The following FAM184B variants were observed in gnomAD, a reference collection of about 807,000 sequenced individuals.
FAM184B encodes family with sequence similarity 184 member B, also known as protein FAM184B.
A neutral mutation model predicts 135.9 loss-of-function variants in FAM184B; 111 were observed. That is an observed-to-expected ratio of 0.82 (90% CI 0.70 to 0.96). FAM184B has a LOEUF of 0.96. FAM184B is among the 40% of genes least tolerant of loss of function. The pLI is 0.00. For missense variants in FAM184B, 1,375 were observed against 1,323.9 expected, an observed-to-expected ratio of 1.04 and a Z score of -0.60; for synonymous variants, 552 against 524.8, an observed-to-expected ratio of 1.05 and a Z score of -0.71.
intron 13 of FAM184B, 66 bp from the exon 14 acceptor site, chr4:17,639,462 G>T: frequency 6.5e-7 from 1 of 1,527,014 alleles, no homozygotes; most frequent in Non-Finnish European, 8.8e-7. Context: ...GGGCTCTGGG[G>T]TTTATTTCCC....
At chr4:17,698,804 C>T (rs1027135002) in intron 5 of FAM184B, among the ~76,000 whole-genome samples, 4 of 152,126 alleles carry the variant, frequency 2.6e-5, no homozygotes, top group African/African-American at 9.7e-5. Flanking sequence ...AGCTGGTTCA[C>T]AAGTAATTTA....
intron 1 of FAM184B, among the ~76,000 whole-genome samples, chr4:17,739,487 G>A (rs4270585): frequency 0.24 from 36,252 of 150,414 alleles, 4,995 homozygotes; most frequent in East Asian, 0.59. Context: ...TCTAAGCCAG[G>A]GCAGCATGGC....
chr4:17,748,100 T>C (rs1211497197), intron 1 of FAM184B, among the ~76,000 whole-genome samples: 1 of 73,452 alleles, frequency 1.4e-5, no homozygotes, highest in Admixed American at 1.5e-4. Context: ...AAAGACTCCG[T>C]CTGAAAAAAA....
intron 1 of FAM184B, among the ~76,000 whole-genome samples, chr4:17,777,292 G>A (rs1458395937): frequency 6.6e-6 from 1 of 152,212 alleles, no homozygotes; most frequent in Non-Finnish European, 1.5e-5. Flanking sequence ...ATAGGAAGTA[G>A]ATGAATGGTT....
rs138206183 is a variant in FAM184B at position 17,759,792 on chromosome 4, G to A, written c.141+21367C>T. On this transcript the variant is annotated intron_variant, in intron 1 of 17. Coordinates refer to ENST00000265018, the MANE Select transcript of FAM184B (RefSeq NM_015688.2). ...TTTACAGGTGTGAGCCACCACACCCGGCCTAAGCACCTAAGTTCTTAAAGC... is the reference window on the plus strand; with the variant it reads ...TTTACAGGTGTGAGCCACCACACCCAGCCTAAGCACCTAAGTTCTTAAAGC... Among the ~76,000 whole-genome samples the A allele has an allele frequency of 7.9e-5, 12 of 152,118 alleles. 1 individual carries two copies. In the East Asian group the frequency reaches 1.4e-3, roughly 17 times the overall value.
chr4:17,748,524 T>TG (rs1467856048), intron 1 of FAM184B, among the ~76,000 whole-genome samples: 18 of 145,218 alleles, frequency 1.2e-4, no homozygotes, highest in South Asian at 2.2e-4. Context: ...TTTTTTTTTT[T>TG]TTTTTTTTAG....
At chr4:17,707,875 G>T (rs528568177) in intron 2 of FAM184B, 91 bp from the exon 3 acceptor site, 1 of 1,436,656 alleles carries the variant, frequency 7.0e-7, no homozygotes, top group Non-Finnish European at 9.4e-7. Context: ...CCTGAAAGGC[G>T]GGTATATGCA....
At chr4:17,748,377 T>A (rs997665036) in intron 1 of FAM184B, among the ~76,000 whole-genome samples, 1 of 152,052 alleles carries the variant, frequency 6.6e-6, no homozygotes, top group African/African-American at 2.4e-5. Flanking sequence ...CATCCTCAGT[T>A]GATAGAGTTG....
intron 1 of FAM184B, among the ~76,000 whole-genome samples, chr4:17,722,660 A>T (rs1362272222): frequency 1.3e-5 from 2 of 152,146 alleles, no homozygotes; most frequent in African/African-American, 4.8e-5. Context: ...CACCGTCTAC[A>T]GGCCCAGTCC....
chr4:17,683,178 G>A (rs1159531713), intron 7 of FAM184B, among the ~76,000 whole-genome samples: 2 of 152,106 alleles, frequency 1.3e-5, no homozygotes, highest in Non-Finnish European at 2.9e-5. Context: ...TTTCTAATTG[G>A]CAAAGTTCAG....
At chr4:17,746,418 T>C (rs74616716) in intron 1 of FAM184B, among the ~76,000 whole-genome samples, 9,683 of 152,098 alleles carry the variant, frequency 0.064, 1,017 homozygotes, top group African/African-American at 0.22. Context: ...GAAGAGTCCC[T>C]TGGGAATGGC....
At chr4:17,651,695 C>T (rs994955120) in intron 11 of FAM184B, among the ~76,000 whole-genome samples, 1 of 152,046 alleles carries the variant, frequency 6.6e-6, no homozygotes, top group African/African-American at 2.4e-5. Context: ...GAAGTGAATG[C>T]TATTATTATC....
intron 15 of FAM184B, 42 bp downstream of exon 15, chr4:17,636,485 GC>G (rs1351301182): frequency 2.0e-6 from 3 of 1,474,216 alleles, no homozygotes; most frequent in Non-Finnish European, 9.3e-7. Flanking sequence ...AGCCCGCAGT[GC>G]CCGGCCAGGT....
chr4:17,765,283 C>G (rs374194484), intron 1 of FAM184B, among the ~76,000 whole-genome samples: 32 of 152,096 alleles, frequency 2.1e-4, no homozygotes, highest in Admixed American at 2.0e-3. Context: ...CTCTTCAAAT[C>G]TTCCTAATAT....
In FAM184B at chr4:17,658,652, A is replaced by C; in HGVS notation, c.1825-90T>G. ...TAAAAGCTTTCTAAATGTTACCTCCATGCAGCTGAGCCTCCTCTGTCTGTA... is the reference window on the plus strand; with the variant it reads ...TAAAAGCTTTCTAAATGTTACCTCCCTGCAGCTGAGCCTCCTCTGTCTGTA... On this transcript the variant is annotated intron_variant, in intron 9 of 17. Coordinates refer to ENST00000265018, the MANE Select transcript of FAM184B (RefSeq NM_015688.2). 1.0e-5 allele frequency: 13 copies of C among 1,257,466 alleles called. 1 individual carries two copies. In the East Asian group the frequency reaches 1.5e-4, roughly 15 times the overall value. The allele number at this position is 1,257,466 out of a possible 1,614,324, so 77.9% of individuals were successfully genotyped here. A position where few individuals can be genotyped will look rare whatever the true frequency, so the allele number is the denominator to read the frequency against.
chr4:17,765,577 G>T (rs536204517), intron 1 of FAM184B, among the ~76,000 whole-genome samples: 6 of 152,204 alleles, frequency 3.9e-5, no homozygotes, highest in Non-Finnish European at 7.3e-5. Context: ...ATAAAAAACA[G>T]TAGAAGCTCT....
At chr4:17,633,628 A>AC in intron 17 of FAM184B, 61 bp downstream of exon 17, 1 of 1,357,114 alleles carries the variant, frequency 7.4e-7, no homozygotes, top group Non-Finnish European at 9.6e-7. Flanking sequence ...AAAGAATCCT[A>AC]CTTCCCCTCT....
chr4:17,665,103 CG>C (rs1716017044), intron 7 of FAM184B, among the ~76,000 whole-genome samples: 1 of 152,084 alleles, frequency 6.6e-6, no homozygotes, highest in Non-Finnish European at 1.5e-5. Flanking sequence ...GCCTGCTGCA[CG>C]GGGCTGTTGT....
intron 6 of FAM184B, among the ~76,000 whole-genome samples, chr4:17,690,551 G>A (rs1716709955): frequency 6.6e-6 from 1 of 152,150 alleles, no homozygotes; most frequent in Non-Finnish European, 1.5e-5. Flanking sequence ...CCATGGCAAC[G>A]CTCTTGCAAG....
Sources: allele counts gnomAD v4.1 joint callset (sites outside exome capture counted in the v4.1 genomes callset), GRCh38; gene constraint gnomAD v4.1.1; transcripts MANE v1.5; gene names NCBI Gene and HGNC (gene_info 2026-07-23, HGNC 2026-07-21).